Variants in TAFA5 observed in about 807,000 individuals in gnomAD.
TAFA5 encodes TAFA chemokine like family member 5.
A neutral mutation model predicts 15.3 loss-of-function variants in TAFA5; 6 were observed. That is an observed-to-expected ratio of 0.39 (90% CI 0.21 to 0.77). The LOEUF (loss-of-function observed/expected upper bound fraction) is 0.77. Among genes scored for constraint, TAFA5 ranks in the 30% least tolerant of loss-of-function variants. The pLI, the probability that TAFA5 is intolerant of heterozygous loss-of-function variation, is 0.41. For missense variants in TAFA5, 161 were observed against 193.1 expected, an observed-to-expected ratio of 0.83 and a Z score of 0.98; for synonymous variants, 103 against 80.7, an observed-to-expected ratio of 1.28 and a Z score of -1.48.
At chr22:48,681,656 A>AG (rs1928192714) in intron 2 of TAFA5, among the ~76,000 whole-genome samples, 1 of 151,484 alleles carries the variant, frequency 6.6e-6, no homozygotes, top group Non-Finnish European at 1.5e-5. Context: ...ATCTCCAAAA[A>AG]AAAAAAAAAA....
At position 48,550,429 on chromosome 22, in the gene TAFA5, G is replaced by T. The variant is rs1445089823; in HGVS notation, c.112+60725G>T. Among the ~76,000 whole-genome samples the T allele has an allele frequency of 2.0e-5, 3 of 152,200 alleles. No individual in the cohort carries two copies. Among genetic ancestry groups the T allele is most frequent in the Admixed American group, 6.5e-5 (1 of 15,288 alleles). On this transcript the variant is annotated intron_variant, in intron 1 of 3. Coordinates refer to ENST00000402357, the MANE Select transcript of TAFA5 (RefSeq NM_001082967.3). The surrounding 1 kb of genome is among the most constrained non-coding windows in gnomAD (Gnocchi z 4.1). ...GAGGTGCCCAGCAGGACCCTGGATGGCTCTCTGGGAGTAAGCTAAGAGGTC... is the reference window on the plus strand; with the variant it reads ...GAGGTGCCCAGCAGGACCCTGGATGTCTCTCTGGGAGTAAGCTAAGAGGTC...
chr22:48,637,545 G>A (rs915124633), intron 1 of TAFA5, among the ~76,000 whole-genome samples: 4 of 152,154 alleles, frequency 2.6e-5, no homozygotes, highest in Non-Finnish European at 4.4e-5. Context: ...CAGCGTTATC[G>A]GCAGCAAAGT....
At chr22:48,690,465 C>T (rs1014844473) in intron 2 of TAFA5, among the ~76,000 whole-genome samples, 1 of 152,156 alleles carries the variant, frequency 6.6e-6, no homozygotes, top group Non-Finnish European at 1.5e-5. Flanking sequence ...CCTCTCCAGC[C>T]CCTCCATGCT....
intron 1 of TAFA5, among the ~76,000 whole-genome samples, chr22:48,630,433 G>A (rs1482747779): frequency 6.6e-6 from 1 of 152,194 alleles, no homozygotes; most frequent in Non-Finnish European, 1.5e-5. Flanking sequence ...CCTGGCTTTG[G>A]GGCGTGCGTG....
At chr22:48,569,230 G>A (rs952269212) in intron 1 of TAFA5, among the ~76,000 whole-genome samples, 1 of 152,240 alleles carries the variant, frequency 6.6e-6, no homozygotes, top group Admixed American at 6.5e-5. Flanking sequence ...GACGATGGAT[G>A]CAGGGCCACG....
chr22:48,635,588 A>AG (rs1926416938), intron 1 of TAFA5, among the ~76,000 whole-genome samples: 1 of 152,088 alleles, frequency 6.6e-6, no homozygotes, highest in Admixed American at 6.5e-5. Context: ...ATCCCAGCTA[A>AG]GGGGGGCAGA....
At chr22:48,583,796 A>G (rs1427970598) in intron 1 of TAFA5, among the ~76,000 whole-genome samples, 1 of 151,224 alleles carries the variant, frequency 6.6e-6, no homozygotes, top group African/African-American at 2.4e-5. Context: ...CATACCACAC[A>G]GCACACAACA....
rs1048338501 is a variant in TAFA5, at chr22:48,742,028, C to T, written c.391-7811C>T. Among the ~76,000 whole-genome samples, 15 of 152,216 alleles carry T rather than the reference C, an allele frequency of 9.9e-5. No individual in the cohort carries two copies. Among genetic ancestry groups the T allele is most frequent in the Admixed American group, 8.5e-4 (13 of 15,284 alleles). On this transcript the variant is annotated intron_variant, in intron 3 of 3. Transcript: ENST00000402357. This position sits in a 1 kb window ranked among gnomAD's most constrained non-coding sequence, Gnocchi z 6.2. Reference sequence around the variant, plus strand: ...CCATGGTTGGGGGTAAACACTGTTCCTATCCCGTGTTACAGACGGGGAAAC... The same window carrying T: ...CCATGGTTGGGGGTAAACACTGTTCTTATCCCGTGTTACAGACGGGGAAAC...
chr22:48,653,319 T>C (rs557433864), intron 2 of TAFA5, among the ~76,000 whole-genome samples: 4 of 152,100 alleles, frequency 2.6e-5, no homozygotes, highest in Non-Finnish European at 5.9e-5. Context: ...AGGAAGATGG[T>C]GGGAAGAGAC....
chr22:48,690,980 A>C (rs1204075863), intron 2 of TAFA5, among the ~76,000 whole-genome samples: 2 of 152,172 alleles, frequency 1.3e-5, no homozygotes, highest in Non-Finnish European at 2.9e-5. Context: ...ATCTGCCTGG[A>C]AGCAGCTAGG....
intron 1 of TAFA5, among the ~76,000 whole-genome samples, chr22:48,643,603 G>T (rs1428795193): frequency 6.6e-6 from 1 of 152,222 alleles, no homozygotes; most frequent in African/African-American, 2.4e-5. Context: ...TGGCCGGTCG[G>T]GTAGCACCTG....
At chr22:48,590,937 C>T (rs572068186) in intron 1 of TAFA5, among the ~76,000 whole-genome samples, 7 of 151,986 alleles carry the variant, frequency 4.6e-5, no homozygotes, top group South Asian at 2.1e-4. Flanking sequence ...CTGCAACCTC[C>T]GCCTCCCAGG....
At chr22:48,644,328 G>A (rs1472768058) in intron 1 of TAFA5, among the ~76,000 whole-genome samples, 1 of 152,182 alleles carries the variant, frequency 6.6e-6, no homozygotes, top group African/African-American at 2.4e-5. Context: ...CATCCTTCCT[G>A]TGAACTTATG....
At chr22:48,597,962 G>T (rs557375094) in intron 1 of TAFA5, among the ~76,000 whole-genome samples, 1 of 152,218 alleles carries the variant, frequency 6.6e-6, no homozygotes, top group South Asian at 2.1e-4. Flanking sequence ...CCTCCATGGT[G>T]GGGGGAGTGT....
At chr22:48,542,252 GT>G (rs1922421850) in intron 1 of TAFA5, among the ~76,000 whole-genome samples, 1 of 144,234 alleles carries the variant, frequency 6.9e-6, no homozygotes, top group Non-Finnish European at 1.5e-5. Flanking sequence ...GCATATGTGT[GT>G]GTATGTGTGT....
intron 1 of TAFA5, among the ~76,000 whole-genome samples, chr22:48,492,247 G>A (rs1426581701): frequency 6.6e-6 from 1 of 151,998 alleles, no homozygotes. Context: ...ATTCTCGTTT[G>A]TAAATTGTTT....
chr22:48,749,892 G>A lies in TAFA5; in HGVS notation c.*45G>A. On this transcript the variant is annotated 3_prime_UTR_variant, in exon 4 of 4. Transcript: ENST00000402357. ...GCCCCGGGAGTGGCCTTGGCTCCCT[G>A]GAGAGCCCACGTCTCAGCCACAGTT... 2.0e-6 allele frequency: 3 copies of A among 1,537,652 alleles called. No homozygotes were observed. The highest frequency in any genetic ancestry group is 2.4e-5 in the South Asian group (2 of 83,868).
In TAFA5 at chr22:48,535,700, A is replaced by C. The variant is rs753113035; in HGVS notation, c.112+45996A>C. Among the ~76,000 whole-genome samples the C allele has an allele frequency of 2.1e-4, 31 of 150,580 alleles. 1 individual carries two copies. Among genetic ancestry groups the C allele is most frequent in the Non-Finnish European group, 4.1e-4 (28 of 67,578 alleles). On this transcript the variant is annotated intron_variant, in intron 1 of 3. Coordinates refer to ENST00000402357, the MANE Select transcript of TAFA5 (RefSeq NM_001082967.3). ...TATATGCATATATGTAGGTGCAAGA[A>C]TGCTGCACACACATCACACACACAG...
chr22:48,517,907 G>T (rs551254530), intron 1 of TAFA5, among the ~76,000 whole-genome samples: 1 of 152,200 alleles, frequency 6.6e-6, no homozygotes, highest in Non-Finnish European at 1.5e-5. Context: ...GCCCAGTGGC[G>T]CTCACATGTG....
Sources: gnomAD v4.1 joint callset for allele counts (sites outside exome capture counted in the v4.1 genomes callset) on GRCh38, gnomAD v4.1.1 for gene constraint, Gnocchi (gnomAD v3.1) non-coding constraint, MANE v1.5 for transcripts, NCBI Gene and HGNC (gene_info 2026-07-23, HGNC 2026-07-21) for gene names.